Variants in PLEKHA5 observed in about 807,000 individuals in gnomAD.
PLEKHA5 encodes the protein pleckstrin homology domain-containing family A member 5.
In PLEKHA5, 55 loss-of-function variants were observed where a neutral mutation model predicts 181.9. The observed-to-expected ratio is 0.30, with a 90% CI of 0.24 to 0.38. The LOEUF is 0.38. Ranked by LOEUF, PLEKHA5 falls within the 10% of genes least tolerant of loss-of-function variation. The pLI, the probability that PLEKHA5 is intolerant of heterozygous loss-of-function variation, is 1.00. For synonymous variants in PLEKHA5, 535 were observed against 529.4 expected (o/e 1.01, Z -0.15); for missense variants, 1,432 against 1,549.5 (o/e 0.92, Z 1.27).
intron 11 of PLEKHA5, among the ~76,000 whole-genome samples, chr12:19,280,874 C>A (rs1273695307): frequency 1.3e-5 from 2 of 151,882 alleles, no homozygotes; most frequent in African/African-American, 2.4e-5. Context: ...CCACACCTGG[C>A]TGATTTTTGT....
At chr12:19,190,921 CA>C (rs1439078346) in intron 3 of PLEKHA5, among the ~76,000 whole-genome samples, 1 of 152,032 alleles carries the variant, frequency 6.6e-6, no homozygotes, top group African/African-American at 2.4e-5. Context: ...AAAGGGCATG[CA>C]AAAGAGAAGT....
intron 15 of PLEKHA5, 150 bp downstream of exon 15, chr12:19,291,847 G>A (rs1476914375): frequency 1.9e-6 from 1 of 536,506 alleles, no homozygotes; most frequent in African/African-American, 2.0e-5. Flanking sequence ...TGACCAGGTG[G>A]ATTCAGGAAT....
intron 3 of PLEKHA5, among the ~76,000 whole-genome samples, chr12:19,191,419 G>A (rs151015963): frequency 6.7e-4 from 102 of 152,324 alleles, no homozygotes; most frequent in African/African-American, 2.4e-3. Flanking sequence ...GTTGTTGAAT[G>A]AACAGCCTAG....
At chr12:19,200,173 A>T (rs2053861203) in intron 3 of PLEKHA5, among the ~76,000 whole-genome samples, 1 of 152,114 alleles carries the variant, frequency 6.6e-6, no homozygotes, top group Non-Finnish European at 1.5e-5. Flanking sequence ...ACTTGAGGTG[A>T]TGGATCCCCT....
intron 3 of PLEKHA5, among the ~76,000 whole-genome samples, chr12:19,141,618 T>C (rs1378909747): frequency 3.3e-5 from 5 of 152,162 alleles, no homozygotes; most frequent in Non-Finnish European, 7.4e-5. Context: ...GCAGAAGTAA[T>C]AGTTGAAGTT....
intron 22 of PLEKHA5, among the ~76,000 whole-genome samples, chr12:19,343,924 T>C (rs1176201934): frequency 6.6e-6 from 1 of 152,026 alleles, no homozygotes; most frequent in Non-Finnish European, 1.5e-5. Flanking sequence ...TGGTGGCGCA[T>C]GCCTGTAGTC....
At chr12:19,210,847 T>C (rs943390985) in intron 3 of PLEKHA5, among the ~76,000 whole-genome samples, 23 of 152,276 alleles carry the variant, frequency 1.5e-4, no homozygotes, top group Non-Finnish European at 2.4e-4. Context: ...TGTTTCCTGA[T>C]TGGTCAGAGA....
intron 3 of PLEKHA5, among the ~76,000 whole-genome samples, chr12:19,250,969 C>A (rs927672794): frequency 6.6e-6 from 1 of 151,816 alleles, no homozygotes; most frequent in African/African-American, 2.4e-5. Context: ...AGATAGGAAC[C>A]GAATAAAAAT....
rs1268620103 is a variant in PLEKHA5 at position 19,266,570 on chromosome 12, ACC to A, written c.711+722_711+723del. On this transcript the variant is annotated intron_variant, in intron 8 of 31. Coordinates refer to ENST00000429027, the MANE Select transcript of PLEKHA5 (RefSeq NM_001256470.2). ...AGGCCGAGTTGGACAGAAAGCTTGAACCCAGGAGTTCAAGACCAGCCTGGCCA... is the reference window on the plus strand; with the variant it reads ...AGGCCGAGTTGGACAGAAAGCTTGAACAGGAGTTCAAGACCAGCCTGGCCA... Among the ~76,000 whole-genome samples the A allele has an allele frequency of 2.0e-5, 3 of 152,040 alleles. 1 individual carries two copies. The highest frequency in any genetic ancestry group is 7.2e-5 in the African/African-American group (3 of 41,506).
chr12:19,248,451 G>A (rs1415101787), intron 3 of PLEKHA5, among the ~76,000 whole-genome samples: 2 of 152,012 alleles, frequency 1.3e-5, no homozygotes, highest in African/African-American at 4.8e-5. Flanking sequence ...ACCCTCCTTG[G>A]CCTCCCAAAG....
At chr12:19,272,436 T>A (rs1005371377) in intron 10 of PLEKHA5, among the ~76,000 whole-genome samples, 2 of 152,182 alleles carry the variant, frequency 1.3e-5, no homozygotes, top group Non-Finnish European at 2.9e-5. Flanking sequence ...ACCACAGTTT[T>A]AATTTAAAAT....
At chr12:19,234,264 T>G (rs1168191679) in intron 3 of PLEKHA5, among the ~76,000 whole-genome samples, 1 of 152,210 alleles carries the variant, frequency 6.6e-6, no homozygotes, top group Non-Finnish European at 1.5e-5. Flanking sequence ...CATTTCCTCT[T>G]CTGTGCTCTA....
In PLEKHA5 at chr12:19,336,625, G is replaced by GTATAATATAATACTTTATATTATACAA; in HGVS notation, c.2550+17_2550+18insAATACTTTATATTATACAATATAATAT. The GTATAATATAATACTTTATATTATACAA allele has an allele frequency of 6.8e-7, 1 of 1,461,056 alleles. No homozygotes were observed. Among genetic ancestry groups the GTATAATATAATACTTTATATTATACAA allele is most frequent in the South Asian group, 1.1e-5 (1 of 86,990 alleles). The allele number at this position is 1,461,056 out of a possible 1,614,324, so 90.5% of individuals were successfully genotyped here. On this transcript the variant is annotated intron_variant, in intron 21 of 31. Coordinates refer to ENST00000429027, the MANE Select transcript of PLEKHA5 (RefSeq NM_001256470.2). ...ACCTTGGTGAAGTTCAGGTACAAAA[G>GTATAATATAATACTTTATATTATACAA]TATAATATTCTTTATATTGTTTTAA...
At chr12:19,334,862 A>ATATATATATATATC (rs1565630250) in intron 20 of PLEKHA5, among the ~76,000 whole-genome samples, 3 of 62,690 alleles carry the variant, frequency 4.8e-5, no homozygotes, top group Admixed American at 2.0e-4. Flanking sequence ...ATATATATAT[A>ATATATATATATATC]TATATATCTC....
At chr12:19,337,088 A>G (rs2093490290) in intron 21 of PLEKHA5, among the ~76,000 whole-genome samples, 1 of 149,738 alleles carries the variant, frequency 6.7e-6, no homozygotes, top group Non-Finnish European at 1.5e-5. Flanking sequence ...CCCGGGTTCA[A>G]GCGATTCTCC....
At position 19,253,964 on chromosome 12, in the gene PLEKHA5, C is replaced by T. The variant is rs74721563; in HGVS notation, c.252C>T (p.Cys84=). ...GCCATAATGAAAGGAAAGTGACCTG[C>T]AAACATCCAGTCACAGGACAACCAT... is the stretch of plus-strand genomic sequence containing the variant. ...YINHNERKVT[C]KHPVTGQPSQ... Residue 84 remains cysteine, a synonymous_variant, in exon 4 of 32, where the codon TGC becomes TGT. Transcript: ENST00000429027. The T allele has an allele frequency of 2.5e-6, 4 of 1,605,554 alleles. No homozygotes were observed. The African/African-American group carries it at 4.0e-5, about 16-fold the overall frequency.
intron 3 of PLEKHA5, among the ~76,000 whole-genome samples, chr12:19,163,690 C>CTATT (rs1414506181): frequency 1.1e-4 from 16 of 152,104 alleles, no homozygotes; most frequent in Admixed American, 2.0e-4. Flanking sequence ...ATCTATCTAT[C>CTATT]TATCTCTTTC....
chr12:19,182,928 G>C (rs1461137088), intron 3 of PLEKHA5, among the ~76,000 whole-genome samples: 1 of 152,136 alleles, frequency 6.6e-6, no homozygotes, highest in Non-Finnish European at 1.5e-5. Context: ...AGAGAATAAT[G>C]TTTAAACGTC....
At chr12:19,278,936 A>G (rs1357326945) in intron 11 of PLEKHA5, among the ~76,000 whole-genome samples, 2 of 152,214 alleles carry the variant, frequency 1.3e-5, no homozygotes, top group Non-Finnish European at 2.9e-5. Flanking sequence ...AACAACCACC[A>G]TGATGAAGGA....
Sources: allele counts gnomAD v4.1 joint callset (sites outside exome capture counted in the v4.1 genomes callset), GRCh38; gene constraint gnomAD v4.1.1; transcripts MANE v1.5; gene names NCBI Gene and HGNC (gene_info 2026-07-23, HGNC 2026-07-21).